FAIM: variants seen among roughly 807,000 people sequenced by gnomAD.
The protein encoded by FAIM is fas apoptotic inhibitory molecule 1.
In FAIM, 14 loss-of-function variants were observed where a neutral mutation model predicts 21.2. That is an observed-to-expected ratio of 0.66 (90% CI 0.44 to 1.03). FAIM has a LOEUF of 1.03. FAIM is among the 50% of genes least tolerant of loss of function. FAIM has a pLI of 0.00. For missense variants in FAIM, 222 were observed against 247.1 expected (o/e 0.90, Z 0.68); for synonymous variants, 86 against 80.4 (o/e 1.07, Z -0.37).
chr3:138,631,373 C>T (rs1401025662), intron 5 of FAIM, among the ~76,000 whole-genome samples: 1 of 152,072 alleles, frequency 6.6e-6, no homozygotes, highest in African/African-American at 2.4e-5. Flanking sequence ...TACAGTTGTA[C>T]CCCTGTACTC....
At chr3:138,616,406 G>A (rs2042825452) in intron 1 of FAIM, among the ~76,000 whole-genome samples, 1 of 152,120 alleles carries the variant, frequency 6.6e-6, no homozygotes, top group South Asian at 2.1e-4. Flanking sequence ...TTTGGAACAG[G>A]GTCTTGCTCT....
chr3:138,619,347 G>A (rs529167988), intron 1 of FAIM, among the ~76,000 whole-genome samples: 17 of 152,268 alleles, frequency 1.1e-4, no homozygotes, highest in African/African-American at 2.6e-4. Flanking sequence ...GGCTTCTTAC[G>A]CTTCAACTTG....
At chr3:138,620,733 C>T (rs1053049458) in intron 2 of FAIM, among the ~76,000 whole-genome samples, 3 of 152,172 alleles carry the variant, frequency 2.0e-5, no homozygotes, top group African/African-American at 7.2e-5. Context: ...AAGTAATCTG[C>T]CCACCTCAGT....
In FAIM at chr3:138,620,738, C is replaced by T. The variant is rs190450973; in HGVS notation, c.45-669C>T. Among the ~76,000 whole-genome samples the T allele has an allele frequency of 2.7e-3, 410 of 152,310 alleles. 1 individual carries two copies. The highest frequency in any genetic ancestry group is 8.7e-3 in the African/African-American group (361 of 41,576). ...TCCTGGGCTCAAGTAATCTGCCCACCTCAGTCTCCCAAAGTGCTAGGATTA... is the reference window on the plus strand; with the variant it reads ...TCCTGGGCTCAAGTAATCTGCCCACTTCAGTCTCCCAAAGTGCTAGGATTA... On this transcript the variant is annotated intron_variant, in intron 2 of 5. Coordinates refer to ENST00000360570, the MANE Select transcript of FAIM (RefSeq NM_001033031.2).
Position 138,633,310 on chromosome 3 carries a change from G to A in FAIM, c.*231G>A. 1 of 300,176 alleles carries A rather than the reference G, an allele frequency of 3.3e-6. No homozygotes were observed. Among genetic ancestry groups the A allele is most frequent in the Non-Finnish European group, 6.2e-6 (1 of 162,328 alleles). The allele number at this position is 300,176 out of a possible 1,614,324, so 18.6% of individuals were successfully genotyped here. On this transcript the variant is annotated 3_prime_UTR_variant, in exon 6 of 6. Transcript: ENST00000360570. ...TGTTTTAAAGACAAATGGCAAATAA[G>A]ATATGGACCAAAGTCACTAATGTTT...
At chr3:138,625,550 C>T (rs747087148) in intron 4 of FAIM, among the ~76,000 whole-genome samples, 2 of 152,004 alleles carry the variant, frequency 1.3e-5, no homozygotes, top group African/African-American at 2.4e-5. Context: ...TATCTAGAGT[C>T]TCCTGGTAAA....
At chr3:138,632,897 C>T in intron 5 of FAIM, 33 bp from the exon 6 acceptor site, 7 of 1,602,344 alleles carry the variant, frequency 4.4e-6, no homozygotes, top group Non-Finnish European at 6.0e-6. Context: ...AAAGTTTCTG[C>T]ACCACTAATT....
Position 138,628,465 on chromosome 3 carries a change from TTTTATTTA to T in FAIM, c.407-614_407-607del, listed in dbSNP as rs58887564. ...ACATTCATCTGTATGCATCCTTCTT[TTTTATTTA>T]TTTATTTATTTATTTATTTATTTAT... is the stretch of plus-strand genomic sequence containing the variant. On this transcript the variant is annotated intron_variant, in intron 4 of 5. Coordinates refer to ENST00000360570, the MANE Select transcript of FAIM (RefSeq NM_001033031.2). 1.6e-3 allele frequency among the ~76,000 whole-genome samples: 237 copies of T among 149,186 alleles called. 1 individual carries two copies. Among genetic ancestry groups the T allele is most frequent in the African/African-American group, 5.0e-3 (197 of 39,784 alleles).
intron 1 of FAIM, 52 bp from the exon 2 acceptor site, chr3:138,619,659 T>C (rs1185040504): frequency 1.9e-6 from 3 of 1,542,550 alleles, no homozygotes; most frequent in Non-Finnish European, 1.8e-6. Flanking sequence ...CTTTCAATCT[T>C]TCTTTGCTGC....
chr3:138,627,676 G>A (rs2042953161), intron 4 of FAIM, among the ~76,000 whole-genome samples: 4 of 152,154 alleles, frequency 2.6e-5, no homozygotes, highest in Admixed American at 2.6e-4. Flanking sequence ...CACTGATCAT[G>A]TCTTGGGACA....
chr3:138,619,752 T>C lies in FAIM; in HGVS notation c.26T>C (p.Ile9Thr). The change falls in exon 2 of 6, where the codon ATC becomes ACC. Residue 9 changes from isoleucine to threonine, a missense_variant. By Grantham distance (89) the Ile-to-Thr change is moderately conservative. Coordinates refer to ENST00000360570, the MANE Select transcript of FAIM (RefSeq NM_001033031.2). Reference protein sequence around the residue: MASGDDSPIFEDDESPPYS... With the variant: MASGDDSPTFEDDESPPYS... ...ATGGCATCTGGAGATGACAGTCCTA[T>C]CTTTGAAGATGATGAAAGGTAAATG... The C allele has an allele frequency of 6.2e-7, 1 of 1,613,768 alleles. No homozygotes were observed. The highest frequency in any genetic ancestry group is 8.5e-7 in the Non-Finnish European group (1 of 1,179,856).
intron 1 of FAIM, chr3:138,610,929 G>A (rs757984695): frequency 2.6e-5 from 42 of 1,595,580 alleles, no homozygotes; most frequent in Middle Eastern, 1.7e-4. Flanking sequence ...GCAGAGCTAC[G>A]ACCCTTCCTC....
In FAIM at chr3:138,622,415, G is replaced by C. The variant is rs1271748894; in HGVS notation, c.405G>C (p.Leu135Phe). The C allele has an allele frequency of 1.9e-6, 3 of 1,575,046 alleles. No individual in the cohort carries two copies. The African/African-American group carries it at 4.1e-5, about 22-fold the overall frequency. The change falls in exon 4 of 6, where the codon TTG becomes TTC. Residue 135 changes from leucine (L) to phenylalanine (F), a missense_variant and splice_region_variant. By Grantham distance (22) the Leu-to-Phe change is conservative. Transcript: ENST00000360570. ...HMDGENFRIVLEKDAMDVWCN... is the reference protein window; with the variant it reads ...HMDGENFRIVFEKDAMDVWCN... Reference sequence around the variant, plus strand: ...ATGGTGAGAACTTTAGAATTGTTTTGGGTAAGTTAGTGCTGTTTCCGCAGA... The same window carrying C: ...ATGGTGAGAACTTTAGAATTGTTTTCGGTAAGTTAGTGCTGTTTCCGCAGA...
chr3:138,630,736 A>G (rs2042996584), intron 5 of FAIM: 1 of 151,868 alleles, frequency 6.6e-6, no homozygotes. Flanking sequence ...TTTTTTTCCT[A>G]CCCTGGAATT....
chr3:138,621,450 T>C lies in FAIM; in HGVS notation c.88T>C (p.Trp30Arg), dbSNP rs1236051562. ...LEKMTDLVAVWDVALSDGVHK... is the reference protein window; with the variant it reads ...LEKMTDLVAVRDVALSDGVHK... ...AAAAATGACAGATCTCGTAGCTGTT[T>C]GGGATGTTGCTTTAAGTGACGGAGT... Residue 30 changes from tryptophan (W) to arginine (R), a missense_variant, in exon 3 of 6, where the codon TGG (tryptophan) becomes CGG (arginine). Physicochemically the swap from Trp to Arg is moderately radical, Grantham distance 101. Transcript: ENST00000360570. 1 of 1,614,054 alleles carries C rather than the reference T, an allele frequency of 6.2e-7. No individual in the cohort carries two copies. Among genetic ancestry groups the C allele is most frequent in the Non-Finnish European group, 8.5e-7 (1 of 1,179,968 alleles).
intron 1 of FAIM, among the ~76,000 whole-genome samples, chr3:138,611,787 T>G (rs2042771975): frequency 6.6e-6 from 1 of 152,224 alleles, no homozygotes; most frequent in Admixed American, 6.5e-5. Context: ...TCTGGTCACA[T>G]GCTCTCTACA....
At chr3:138,627,793 T>C (rs2042954192) in intron 4 of FAIM, among the ~76,000 whole-genome samples, 1 of 152,096 alleles carries the variant, frequency 6.6e-6, no homozygotes, top group African/African-American at 2.4e-5. Context: ...TCTTTTTCCA[T>C]CTAGCGCACC....
At chr3:138,621,189 C>T (rs141034231) in intron 2 of FAIM, 7 of 503,934 alleles carry the variant, frequency 1.4e-5, no homozygotes, top group African/African-American at 2.0e-5. Context: ...TAGAAGTAAT[C>T]GGACTATGTA....
At chr3:138,626,267 A>G (rs771587005) in intron 4 of FAIM, among the ~76,000 whole-genome samples, 12 of 152,202 alleles carry the variant, frequency 7.9e-5, no homozygotes, top group Non-Finnish European at 1.5e-4. Flanking sequence ...TCCTTTTATT[A>G]ACATACCACT....
Sources: allele counts gnomAD v4.1 joint callset (sites outside exome capture counted in the v4.1 genomes callset), GRCh38; gene constraint gnomAD v4.1.1; transcripts MANE v1.5; gene names NCBI Gene and HGNC (gene_info 2026-07-23, HGNC 2026-07-21).